Variants in FEM1C observed in about 807,000 individuals in gnomAD.
The protein encoded by FEM1C is protein fem-1 homolog C.
Under a neutral mutation model 37.6 loss-of-function variants are expected in FEM1C, and 15 were observed. The observed-to-expected ratio is 0.40, with a 90% CI of 0.27 to 0.61. The LOEUF (loss-of-function observed/expected upper bound fraction) is 0.61, where lower values mean the gene tolerates loss of function less well. Among genes scored for constraint, FEM1C ranks in the 20% least tolerant of loss-of-function variants. The pLI is 0.42. For missense variants in FEM1C, 532 were observed against 749.7 expected, an observed-to-expected ratio of 0.71 and a Z score of 3.39; for synonymous variants, 287 against 272.8, an observed-to-expected ratio of 1.05 and a Z score of -0.51.
At chr5:115,539,479 C>T (rs1381329775) in intron 2 of FEM1C, among the ~76,000 whole-genome samples, 3 of 152,068 alleles carry the variant, frequency 2.0e-5, no homozygotes, top group Non-Finnish European at 4.4e-5. Flanking sequence ...GGAACCAACT[C>T]CCGTCTCAAA....
intron 2 of FEM1C, among the ~76,000 whole-genome samples, chr5:115,537,394 A>C (rs1754151187): frequency 6.6e-6 from 1 of 152,102 alleles, no homozygotes. Flanking sequence ...TATGAACAGC[A>C]GTAGTGCTCA....
intron 2 of FEM1C, among the ~76,000 whole-genome samples, chr5:115,535,284 TA>T (rs5870660): frequency 2.4e-4 from 33 of 140,012 alleles, no homozygotes; most frequent in Non-Finnish European, 4.2e-4. Flanking sequence ...TCAAAAAAGT[TA>T]AAAAAAAAAA....
intron 2 of FEM1C, among the ~76,000 whole-genome samples, chr5:115,529,664 T>A (rs1364750995): frequency 6.6e-6 from 1 of 152,058 alleles, no homozygotes; most frequent in Non-Finnish European, 1.5e-5. Flanking sequence ...TAATATCTTG[T>A]AGGGCTTGAA....
intron 1 of FEM1C, 101 bp downstream of exon 1, chr5:115,544,422 C>G (rs1754312737): frequency 6.5e-6 from 1 of 154,602 alleles, no homozygotes; most frequent in Admixed American, 6.5e-5. Context: ...CAGCCCGCTG[C>G]CCGCCTTCGG....
At chr5:115,537,200 C>T (rs925265350) in intron 2 of FEM1C, among the ~76,000 whole-genome samples, 2 of 151,950 alleles carry the variant, frequency 1.3e-5, no homozygotes, top group African/African-American at 4.8e-5. Context: ...ATTCCTGCTG[C>T]CTCAACAGCA....
intron 2 of FEM1C, among the ~76,000 whole-genome samples, chr5:115,533,354 T>A (rs1754056499): frequency 6.6e-6 from 1 of 152,078 alleles, no homozygotes; most frequent in Non-Finnish European, 1.5e-5. Flanking sequence ...ACCAGTTTGT[T>A]AAATTTACCG....
At chr5:115,526,282 G>A (rs1328901891) in intron 2 of FEM1C, among the ~76,000 whole-genome samples, 1 of 151,954 alleles carries the variant, frequency 6.6e-6, no homozygotes, top group African/African-American at 2.4e-5. Flanking sequence ...CAAAATTCTT[G>A]GTAACAAAGG....
rs948478424 is a variant in FEM1C at position 115,523,564 on chromosome 5, GA to G, written c.*743del. On this transcript the variant is annotated 3_prime_UTR_variant, in exon 3 of 3. Transcript: ENST00000274457. ...CAATAATTTCAGTGGATTAGAGAAA[GA>G]AACCTCAGATGTGAAGAAAGTGAAG... The G allele has an allele frequency of 1.3e-5, 2 of 152,440 alleles. No individual in the cohort carries two copies. Among genetic ancestry groups the G allele is most frequent in the African/African-American group, 4.8e-5 (2 of 41,430 alleles). 9.4% of individuals were successfully genotyped at this position (152,440 alleles called of 1,614,324 possible).
chr5:115,537,150 T>A (rs1431348628), intron 2 of FEM1C, among the ~76,000 whole-genome samples: 2 of 152,000 alleles, frequency 1.3e-5, no homozygotes, highest in Non-Finnish European at 2.9e-5. Context: ...TTCATCTGGG[T>A]CTCTCCCTAT....
At chr5:115,535,347 G>A (rs551328180) in intron 2 of FEM1C, among the ~76,000 whole-genome samples, 2 of 140,910 alleles carry the variant, frequency 1.4e-5, no homozygotes, top group African/African-American at 5.3e-5. Context: ...TCTGATAAAA[G>A]ACATACATAA....
chr5:115,528,424 A>G (rs1440104319), intron 2 of FEM1C, among the ~76,000 whole-genome samples: 1 of 152,094 alleles, frequency 6.6e-6, no homozygotes, highest in Non-Finnish European at 1.5e-5. Flanking sequence ...AGTGGAGCCT[A>G]CAGCCTACTA....
chr5:115,542,924 T>C lies in FEM1C; in HGVS notation c.544+26A>G, dbSNP rs759444395. ...TTCCTGAAAATAAGTGGTAGACATT[T>C]AGAAAAACAAAGAAGCTGAACTCAC... is the stretch of plus-strand genomic sequence containing the variant. On this transcript the variant is annotated intron_variant, in intron 2 of 2. Coordinates refer to ENST00000274457, the MANE Select transcript of FEM1C (RefSeq NM_020177.3). 3.1e-6 allele frequency: 5 copies of C among 1,589,536 alleles called. No individual in the cohort carries two copies. In the South Asian group the frequency reaches 5.7e-5, roughly 18 times the overall value.
At position 115,524,870 on chromosome 5, in the gene FEM1C, C is replaced by G. The variant is rs1234250766; in HGVS notation, c.1292G>C (p.Cys431Ser). 1 of 1,613,618 alleles carries G rather than the reference C, an allele frequency of 6.2e-7. No individual in the cohort carries two copies. Among genetic ancestry groups the G allele is most frequent in the East Asian group, 2.2e-5 (1 of 44,868 alleles). Reference protein sequence around the residue: ...EIERAIKQTQCPADPLQLNKA... With the variant: ...EIERAIKQTQSPADPLQLNKA... ...ATTTAACTGTAATGGGTCAGCTGGA[C>G]ACTGAGTTTGTTTGATAGCTCGCTC... Residue 431 changes from cysteine to serine, a missense_variant, in exon 3 of 3, where the codon TGT becomes TCT. Physicochemically the swap from Cys to Ser is moderately radical, Grantham distance 112 (BLOSUM62 -1). Around this residue, in one of 3 missense-constraint regions of FEM1C, gnomAD observed 237 missense variants for 260.5 expected, o/e 0.91. Transcript: ENST00000274457.
intron 2 of FEM1C, among the ~76,000 whole-genome samples, chr5:115,539,878 T>C (rs778014759): frequency 6.6e-6 from 1 of 152,090 alleles, no homozygotes; most frequent in Non-Finnish European, 1.5e-5. Context: ...CAATAGCCTG[T>C]TAAAAAGTAA....
intron 2 of FEM1C, among the ~76,000 whole-genome samples, chr5:115,535,436 T>TC (rs1357496643): frequency 6.6e-6 from 1 of 151,324 alleles, no homozygotes; most frequent in Admixed American, 6.6e-5. Context: ...ATGAAGAAAC[T>TC]CCTCCAAAGA....
chr5:115,541,263 C>A (rs1409263981), intron 2 of FEM1C, among the ~76,000 whole-genome samples: 1 of 151,862 alleles, frequency 6.6e-6, no homozygotes, highest in Admixed American at 6.6e-5. Flanking sequence ...TATCAGTATG[C>A]AAAATTCAGA....
At chr5:115,540,678 ATTAG>A (rs1164646427) in intron 2 of FEM1C, among the ~76,000 whole-genome samples, 1 of 152,114 alleles carries the variant, frequency 6.6e-6, no homozygotes, top group Non-Finnish European at 1.5e-5. Context: ...AGCTATTTAT[ATTAG>A]AGTTCTCTCA....
chr5:115,533,403 A>ATGC (rs1431556832), intron 2 of FEM1C, among the ~76,000 whole-genome samples: 5 of 152,082 alleles, frequency 3.3e-5, no homozygotes, highest in Admixed American at 3.3e-4. Context: ...AGTGCTAGAT[A>ATGC]TGCTATAAGT....
chr5:115,544,028 G>T (rs778283675), intron 1 of FEM1C: 644 of 985,376 alleles, frequency 6.5e-4, no homozygotes, highest in Non-Finnish European at 7.2e-4. Flanking sequence ...CAGGAGACTC[G>T]GGTTCAGAAA....
Sources: gnomAD v4.1 joint callset for allele counts (sites outside exome capture counted in the v4.1 genomes callset) on GRCh38, gnomAD v4.1.1 for gene constraint, gnomAD v4.1.1 regional missense constraint, MANE v1.5 for transcripts, NCBI Gene and HGNC (gene_info 2026-07-23, HGNC 2026-07-21) for gene names.